Variants in GABRB2 observed in about 807,000 individuals in gnomAD.
The protein encoded by GABRB2 is gamma-aminobutyric acid type A receptor subunit beta2, also known as gamma-aminobutyric acid receptor subunit beta-2.
A neutral mutation model predicts 54.7 loss-of-function variants in GABRB2; 16 were observed. The observed-to-expected ratio is 0.29, with a 90% CI of 0.20 to 0.44. GABRB2 has a LOEUF of 0.44. Ranked by LOEUF, GABRB2 falls within the 20% of genes least tolerant of loss-of-function variation. The pLI is 1.00. For missense variants in GABRB2, 355 were observed against 644.0 expected, an observed-to-expected ratio of 0.55 and a Z score of 4.86; for synonymous variants, 244 against 233.8, an observed-to-expected ratio of 1.04 and a Z score of -0.40.
intron 5 of GABRB2, among the ~76,000 whole-genome samples, chr5:161,401,718 C>T (rs1756197432): frequency 1.3e-5 from 2 of 152,116 alleles, no homozygotes; most frequent in African/African-American, 4.8e-5. Context: ...TACTATAAAA[C>T]ATTCATGCTG....
rs766951390 is a variant in GABRB2, at chr5:161,546,590, T to G, written c.54A>C (p.Ile18=). The G allele has an allele frequency of 6.2e-7, 1 of 1,600,694 alleles. No homozygotes were observed. The highest frequency in any genetic ancestry group is 1.1e-5 in the South Asian group (1 of 88,578). The change falls in exon 1 of 10, where the codon ATA becomes ATC. Residue 18 remains isoleucine (I), a synonymous_variant. Coordinates refer to ENST00000393959, the MANE Select transcript of GABRB2 (RefSeq NM_001371727.1). The part of the protein sequence containing the change: ...GYFGIWSFPL[I]IAAVCAQSVN... ...ACCTCTGCGCACAGACAGCGGCGATTATTAAGGGGAAGGACCAAATCCCAA... is the reference window on the plus strand; with the variant it reads ...ACCTCTGCGCACAGACAGCGGCGATGATTAAGGGGAAGGACCAAATCCCAA...
In GABRB2 at chr5:161,311,739, T is replaced by G. The variant is rs369748188; in HGVS notation, c.1191+14629A>C. On this transcript the variant is annotated intron_variant, in intron 9 of 9. Transcript: ENST00000393959. Reference sequence around the variant, plus strand: ...AGCTGCTTTGGCATCTCTGGGAAGTTTTTTAAAAATGCAGAATCTCAAGCC... The same window carrying G: ...AGCTGCTTTGGCATCTCTGGGAAGTGTTTTAAAAATGCAGAATCTCAAGCC... Among the ~76,000 whole-genome samples, 3 of 152,216 alleles carry G rather than the reference T, an allele frequency of 2.0e-5. No homozygotes were observed. The East Asian group carries it at 5.8e-4, about 29-fold the overall frequency.
At chr5:161,512,423 A>G (rs1360490484) in intron 3 of GABRB2, among the ~76,000 whole-genome samples, 1 of 152,026 alleles carries the variant, frequency 6.6e-6, no homozygotes, top group Non-Finnish European at 1.5e-5. Flanking sequence ...ACACGCATAC[A>G]GCCATCTGAT....
intron 3 of GABRB2, among the ~76,000 whole-genome samples, chr5:161,478,477 A>G (rs1008674953): frequency 2.1e-4 from 32 of 152,102 alleles, no homozygotes; most frequent in African/African-American, 7.5e-4. Flanking sequence ...TCTGCCTACA[A>G]CACATTGGCC....
Position 161,476,111 on chromosome 5 carries a change from T to C in GABRB2, c.238-16267A>G, listed in dbSNP as rs186392711. Reference sequence around the variant, plus strand: ...GCCAAGTTGCAGAACACAAAGTCAATATTCAAAAATCAGTTGCATTTCTAT... The same window carrying C: ...GCCAAGTTGCAGAACACAAAGTCAACATTCAAAAATCAGTTGCATTTCTAT... On this transcript the variant is annotated intron_variant, in intron 3 of 9. Transcript: ENST00000393959. Among the ~76,000 whole-genome samples, 27 of 152,060 alleles carry C rather than the reference T, an allele frequency of 1.8e-4. 1 individual carries two copies. The East Asian group carries it at 5.0e-3, about 28-fold the overall frequency.
chr5:161,388,618 A>G (rs1338854846), intron 5 of GABRB2, among the ~76,000 whole-genome samples: 5 of 152,034 alleles, frequency 3.3e-5, no homozygotes, highest in African/African-American at 4.8e-5. Flanking sequence ...TCATTTAAGA[A>G]TAATGATATA....
chr5:161,446,775 C>T (rs1386090013), intron 4 of GABRB2, among the ~76,000 whole-genome samples: 1 of 152,034 alleles, frequency 6.6e-6, no homozygotes, highest in African/African-American at 2.4e-5. Context: ...TAAAACAACC[C>T]CTGTGTCTTT....
intron 3 of GABRB2, among the ~76,000 whole-genome samples, chr5:161,490,414 T>C (rs533185289): frequency 4.0e-5 from 6 of 151,726 alleles, no homozygotes; most frequent in South Asian, 2.1e-4. Flanking sequence ...TTATCACCAA[T>C]GTGAACTCAA....
chr5:161,476,586 A>G (rs2962413), intron 3 of GABRB2, among the ~76,000 whole-genome samples: 86,760 of 151,596 alleles, frequency 0.57, 26,274 homozygotes, highest in South Asian at 0.73. Context: ...AGGGGCATAA[A>G]CACAAATGTA....
intron 5 of GABRB2, among the ~76,000 whole-genome samples, chr5:161,347,639 G>A (rs1561617192): frequency 6.6e-6 from 1 of 152,088 alleles, no homozygotes; most frequent in African/African-American, 2.4e-5. Context: ...TAGCCAGACA[G>A]TCTTCAGCCC....
intron 9 of GABRB2, among the ~76,000 whole-genome samples, chr5:161,325,227 T>C (rs1758328273): frequency 6.6e-6 from 1 of 151,932 alleles, no homozygotes; most frequent in Non-Finnish European, 1.5e-5. Flanking sequence ...AGTTAAAAAA[T>C]AAGGACAGCA....
At chr5:161,380,391 TACAAAAATTATGG>T (rs894315563) in intron 5 of GABRB2, among the ~76,000 whole-genome samples, 5 of 152,166 alleles carry the variant, frequency 3.3e-5, no homozygotes, top group African/African-American at 1.2e-4. Context: ...CACTGTAGCC[TACAAAAATTATGG>T]ACTTTACAAT....
chr5:161,517,197 A>G (rs1212312403), intron 3 of GABRB2, among the ~76,000 whole-genome samples: 2 of 152,144 alleles, frequency 1.3e-5, no homozygotes, highest in African/African-American at 4.8e-5. Context: ...AAGGGGTTAT[A>G]TTAGTGACCC....
At chr5:161,518,454 T>A (rs1397655197) in intron 3 of GABRB2, among the ~76,000 whole-genome samples, 1 of 152,200 alleles carries the variant, frequency 6.6e-6, no homozygotes, top group Admixed American at 6.5e-5. Flanking sequence ...TTTCTAATAG[T>A]AAATTAAAAT....
chr5:161,300,188 C>T (rs1757496770), intron 9 of GABRB2, among the ~76,000 whole-genome samples: 2 of 152,074 alleles, frequency 1.3e-5, no homozygotes, highest in African/African-American at 4.8e-5. Flanking sequence ...TGGAGAAAGC[C>T]TGCACGTAAA....
intron 4 of GABRB2, among the ~76,000 whole-genome samples, chr5:161,453,627 C>A (rs1204390385): frequency 6.6e-6 from 1 of 152,142 alleles, no homozygotes; most frequent in Non-Finnish European, 1.5e-5. Flanking sequence ...CAAAGCCTCC[C>A]AGTTTATGGT....
chr5:161,483,178 A>T (rs1758816688), intron 3 of GABRB2, among the ~76,000 whole-genome samples: 1 of 151,974 alleles, frequency 6.6e-6, no homozygotes, highest in South Asian at 2.1e-4. Flanking sequence ...TTCAAAACAC[A>T]CCTTGAGACG....
intron 3 of GABRB2, among the ~76,000 whole-genome samples, chr5:161,473,033 TCA>T (rs1163617156): frequency 6.6e-6 from 1 of 151,982 alleles, no homozygotes; most frequent in African/African-American, 2.4e-5. Flanking sequence ...TTAGCAACAC[TCA>T]CACAGCCTAA....
At chr5:161,408,733 G>C (rs1756419451) in intron 5 of GABRB2, among the ~76,000 whole-genome samples, 1 of 151,844 alleles carries the variant, frequency 6.6e-6, no homozygotes, top group Non-Finnish European at 1.5e-5. Flanking sequence ...GAGGGAAGGA[G>C]GAAGGAGAAG....
Sources: allele counts gnomAD v4.1 joint callset (sites outside exome capture counted in the v4.1 genomes callset), GRCh38; gene constraint gnomAD v4.1.1; transcripts MANE v1.5; gene names NCBI Gene and HGNC (gene_info 2026-07-23, HGNC 2026-07-21).